Variants in CEP350 observed in about 807,000 individuals in gnomAD.
CEP350 encodes centrosomal protein 350.
In CEP350, 126 loss-of-function variants were observed where a neutral mutation model predicts 331.8. That is an observed-to-expected ratio of 0.38 (90% CI 0.33 to 0.44). The LOEUF (loss-of-function observed/expected upper bound fraction) is 0.44, where lower values mean the gene tolerates loss of function less well. Among genes scored for constraint, CEP350 ranks in the 20% least tolerant of loss-of-function variants. The pLI, the probability that CEP350 is intolerant of heterozygous loss-of-function variation, is 1.00. For synonymous variants in CEP350, 1,200 were observed against 1,259.5 expected (o/e 0.95, Z 1.00); for missense variants, 3,406 against 3,634.6 (o/e 0.94, Z 1.62).
In CEP350 at chr1:180,097,006, A is replaced by G. The variant is rs1470389275; in HGVS notation, c.9066+822A>G. 4.1e-5 allele frequency among the ~76,000 whole-genome samples: 6 copies of G among 147,144 alleles called. No individual in the cohort carries two copies. In the East Asian group the frequency reaches 5.8e-4, roughly 14 times the overall value. Reference sequence around the variant, plus strand: ...TGGTCCTGCTGGTCCTGCTGGTCCCAGGACCACGCTGAGTAGCAAAGCTTT... The same window carrying G: ...TGGTCCTGCTGGTCCTGCTGGTCCCGGGACCACGCTGAGTAGCAAAGCTTT... On this transcript the variant is annotated intron_variant, in intron 36 of 37. Coordinates refer to ENST00000367607, the MANE Select transcript of CEP350 (RefSeq NM_014810.5).
In CEP350 at chr1:180,078,477, G is replaced by T; in HGVS notation, c.5782G>T (p.Glu1928Ter). ...TCTCTGTCTAGAAATAGCAAGTGAA[G>T]AGGAATCTCCAGTACCTCTGTACTC... ...RTEQKEIASE[E>*]ESPVPLYSHL... Residue 1928 changes from glutamate to a stop codon, truncating the protein, a stop_gained, in exon 29 of 38, where the codon GAG becomes TAG. Transcript: ENST00000367607. LOFTEE classifies it high-confidence loss of function. The T allele has an allele frequency of 6.2e-7, 1 of 1,611,808 alleles. No individual in the cohort carries two copies.
intron 1 of CEP350, among the ~76,000 whole-genome samples, chr1:179,970,360 A>C (rs2483622): frequency 0.81 from 122,899 of 152,098 alleles, 50,014 homozygotes; most frequent in Admixed American, 0.87. Flanking sequence ...GTATATTAGA[A>C]TATGTTATAG....
intron 1 of CEP350, among the ~76,000 whole-genome samples, chr1:179,984,268 A>C (rs1474996927): frequency 6.6e-6 from 1 of 152,256 alleles, no homozygotes; most frequent in African/African-American, 2.4e-5. Flanking sequence ...TTAAAACACC[A>C]AGCATTTGTG....
intron 11 of CEP350, among the ~76,000 whole-genome samples, chr1:180,018,773 T>C (rs1490056385): frequency 6.6e-6 from 1 of 152,224 alleles, no homozygotes; most frequent in Admixed American, 6.5e-5. Flanking sequence ...CATCTGCAAG[T>C]TTGATAAGCA....
chr1:180,026,792 A>G (rs1655709355), intron 14 of CEP350, among the ~76,000 whole-genome samples: 1 of 152,212 alleles, frequency 6.6e-6, no homozygotes. Flanking sequence ...TGCAGCATGT[A>G]TCAGAATTTC....
chr1:180,028,180 C>T (rs1655798687), intron 14 of CEP350, among the ~76,000 whole-genome samples: 1 of 152,126 alleles, frequency 6.6e-6, no homozygotes, highest in Admixed American at 6.6e-5. Context: ...AAGATTCTTT[C>T]CTGTAAGACT....
At chr1:180,055,546 C>CTTTTTTTTTTTTTT (rs71118430) in intron 25 of CEP350, among the ~76,000 whole-genome samples, 1 of 87,454 alleles carries the variant, frequency 1.1e-5, no homozygotes, top group Non-Finnish European at 2.1e-5. Flanking sequence ...TGAATTCCAT[C>CTTTTTTTTTTTTTT]TTTTTTTTTT....
At chr1:180,108,343 G>T (rs1273130593) in intron 37 of CEP350, among the ~76,000 whole-genome samples, 1 of 152,104 alleles carries the variant, frequency 6.6e-6, no homozygotes, top group African/African-American at 2.4e-5. Context: ...AATATTACAG[G>T]CCAAGAGAGG....
intron 31 of CEP350, 163 bp from the exon 32 acceptor site, chr1:180,087,415 C>A: frequency 1.9e-6 from 1 of 523,504 alleles, no homozygotes; most frequent in Non-Finnish European, 3.2e-6. Context: ...GTACAAATAA[C>A]TATAGAGTTC....
intron 29 of CEP350, among the ~76,000 whole-genome samples, chr1:180,080,073 T>C (rs1462298886): frequency 6.6e-6 from 1 of 152,198 alleles, no homozygotes; most frequent in South Asian, 2.1e-4. Flanking sequence ...TTCCACCTGA[T>C]GTCAGGATAG....
rs1285779808 is a variant in CEP350 at position 180,048,554 on chromosome 1, C to T, written c.4641C>T (p.Ser1547=). ...NHDRRSSSGS[S]RQESPSVPSC... is the part of the protein sequence containing the mutation. Reference sequence around the variant, plus strand: ...TAAAAAGAAGTAGCAGTGGTAGCAGCCGCCAAGAAAGTCCTTCAGTTCCAT... The same window carrying T: ...TAAAAAGAAGTAGCAGTGGTAGCAGTCGCCAAGAAAGTCCTTCAGTTCCAT... The change falls in exon 22 of 38, where the codon AGC becomes AGT. Residue 1547 remains serine, a synonymous_variant. Transcript: ENST00000367607. 1 of 1,604,488 alleles carries T rather than the reference C, an allele frequency of 6.2e-7. No homozygotes were observed. Among genetic ancestry groups the T allele is most frequent in the East Asian group, 2.2e-5 (1 of 44,822 alleles).
At chr1:180,067,166 G>T (rs1658594120) in intron 27 of CEP350, among the ~76,000 whole-genome samples, 2 of 152,070 alleles carry the variant, frequency 1.3e-5, no homozygotes, top group South Asian at 4.1e-4. Context: ...TCCAAATTTT[G>T]TTAATTATTT....
At chr1:179,956,157 C>T (rs1468280721) in intron 1 of CEP350, among the ~76,000 whole-genome samples, 10 of 152,042 alleles carry the variant, frequency 6.6e-5, no homozygotes, top group Non-Finnish European at 5.9e-5. Flanking sequence ...ATTGTTAGAC[C>T]CATGCTGGAA....
chr1:180,028,372 T>C (rs899155051), intron 14 of CEP350, among the ~76,000 whole-genome samples: 1 of 152,242 alleles, frequency 6.6e-6, no homozygotes, highest in Non-Finnish European at 1.5e-5. Flanking sequence ...TTGCAATTGT[T>C]AGCGTTTGCT....
chr1:180,095,780 A>C lies in CEP350; in HGVS notation c.8769A>C (p.Val2923=). ...LLAVPHTAEE[V]EILVHNAAEE... The stretch of plus-strand genomic sequence containing the variant: ...CAGTCCCCCATACTGCAGAAGAAGT[A>C]GAGATTCTTGTACATAATGCAGCAG... The change falls in exon 35 of 38, where the codon GTA becomes GTC. Residue 2923 remains valine, a synonymous_variant. Transcript: ENST00000367607. The C allele has an allele frequency of 6.2e-7, 1 of 1,614,020 alleles. No homozygotes were observed. Among genetic ancestry groups the C allele is most frequent in the Non-Finnish European group, 8.5e-7 (1 of 1,179,886 alleles).
intron 24 of CEP350, 82 bp downstream of exon 24, chr1:180,054,016 C>A: frequency 8.9e-7 from 1 of 1,128,748 alleles, no homozygotes. Context: ...TTTGTTTCCT[C>A]ATTTCATTTG....
intron 30 of CEP350, among the ~76,000 whole-genome samples, 187 bp from the exon 31 acceptor site, chr1:180,083,831 G>A (rs981157650): frequency 3.3e-5 from 5 of 152,094 alleles, no homozygotes; most frequent in Admixed American, 6.6e-5. Flanking sequence ...TATGTGGCGG[G>A]CGGCGGGGAG....
chr1:179,961,261 C>A (rs189501270), intron 1 of CEP350, among the ~76,000 whole-genome samples: 1 of 152,002 alleles, frequency 6.6e-6, no homozygotes, highest in African/African-American at 2.4e-5. Context: ...ACCTGGCCAA[C>A]GTGGTGAAAC....
chr1:179,995,597 CCTT>C (rs1322443999), intron 5 of CEP350, among the ~76,000 whole-genome samples: 1 of 152,140 alleles, frequency 6.6e-6, no homozygotes, highest in African/African-American at 2.4e-5. Flanking sequence ...GAATGAGAAT[CCTT>C]CTCAAAAATC....
Sources: allele counts gnomAD v4.1 joint callset (sites outside exome capture counted in the v4.1 genomes callset), GRCh38; gene constraint gnomAD v4.1.1; transcripts MANE v1.5; gene names NCBI Gene and HGNC (gene_info 2026-07-23, HGNC 2026-07-21).